Variants in AKAP19 observed in about 807,000 individuals in gnomAD.
The protein encoded by AKAP19 is small A-kinase anchoring protein.
the AKAP19 span, among the ~76,000 whole-genome samples, chr2:190,114,832 T>C: frequency 6.6e-6 from 1 of 152,204 alleles, no homozygotes; most frequent in Admixed American, 6.5e-5. Flanking sequence ...CCAGTGTTGC[T>C]ATTCAAAAGT....
At chr2:189,908,839 G>T in the AKAP19 span, among the ~76,000 whole-genome samples, 6 of 152,148 alleles carry the variant, frequency 3.9e-5, no homozygotes, top group South Asian at 1.2e-3. Context: ...GTTACTATTA[G>T]ATGGAATGTT....
chr2:189,923,709 G>T, the AKAP19 span: 18 of 1,613,820 alleles, frequency 1.1e-5, no homozygotes, highest in Non-Finnish European at 1.5e-5. Context: ...AGGATGTACA[G>T]TTACCCAGCA....
chr2:189,944,047 T>G, the AKAP19 span, among the ~76,000 whole-genome samples: 4 of 152,218 alleles, frequency 2.6e-5, no homozygotes, highest in Non-Finnish European at 4.4e-5. Flanking sequence ...ATTAAGACTT[T>G]AGGGGACTAT....
chr2:189,920,908 A>G, the AKAP19 span, among the ~76,000 whole-genome samples: 1 of 152,162 alleles, frequency 6.6e-6, no homozygotes, highest in Non-Finnish European at 1.5e-5. Context: ...CTTTCTTCTC[A>G]TCAGGATAAC....
chr2:190,180,527 CCTTTGCGGGT>C, the AKAP19 span: 7 of 985,650 alleles, frequency 7.1e-6, no homozygotes, highest in Non-Finnish European at 8.4e-6. This position sits in a 1 kb window ranked among gnomAD's most constrained non-coding sequence, Gnocchi z 6.8. Flanking sequence ...CTTTCATTGA[CCTTTGCGGGT>C]CTGTTCCCGC....
the AKAP19 span, among the ~76,000 whole-genome samples, chr2:190,054,846 G>A: frequency 6.6e-6 from 1 of 152,206 alleles, no homozygotes; most frequent in Non-Finnish European, 1.5e-5. Flanking sequence ...TGGAGAGGAT[G>A]TGGAGAAATA....
At chr2:190,183,705 T>G in the AKAP19 span, among the ~76,000 whole-genome samples, 9 of 152,060 alleles carry the variant, frequency 5.9e-5, no homozygotes, top group African/African-American at 2.2e-4. Flanking sequence ...CTTCTCCATG[T>G]TTTTATAGAG....
At chr2:190,013,441 G>A in the AKAP19 span, among the ~76,000 whole-genome samples, 1 of 151,806 alleles carries the variant, frequency 6.6e-6, no homozygotes, top group African/African-American at 2.4e-5. Flanking sequence ...TGTGATTTTA[G>A]TTATAATTTT....
chr2:190,030,025 T>C, the AKAP19 span, among the ~76,000 whole-genome samples: 3 of 152,188 alleles, frequency 2.0e-5, no homozygotes, highest in Non-Finnish European at 4.4e-5. Flanking sequence ...ACAGAGCCTA[T>C]TTACCCTTCA....
chr2:190,176,100 T>A, the AKAP19 span, among the ~76,000 whole-genome samples: 1 of 152,256 alleles, frequency 6.6e-6, no homozygotes, highest in South Asian at 2.1e-4. The surrounding 1 kb of genome is among the most constrained non-coding windows in gnomAD (Gnocchi z 4.7). Flanking sequence ...TTGTCTTAGG[T>A]ATTCTGTCAC....
the AKAP19 span, among the ~76,000 whole-genome samples, chr2:190,125,588 C>T: frequency 1.8e-4 from 27 of 152,274 alleles, no homozygotes; most frequent in African/African-American, 6.5e-4. Context: ...AGTGAATTGT[C>T]TGAAGTGCTT....
the AKAP19 span, among the ~76,000 whole-genome samples, chr2:190,074,628 G>C: frequency 7.0e-6 from 1 of 143,558 alleles, no homozygotes; most frequent in Non-Finnish European, 1.5e-5. Flanking sequence ...ACTCCAGCCT[G>C]GCAACAGAGA....
the AKAP19 span, among the ~76,000 whole-genome samples, chr2:189,925,671 G>C: frequency 6.6e-6 from 1 of 152,074 alleles, no homozygotes; most frequent in Non-Finnish European, 1.5e-5. Context: ...GTTTTCCGAA[G>C]CCAGGAATGT....
the AKAP19 span, among the ~76,000 whole-genome samples, chr2:190,152,923 T>C: frequency 6.7e-6 from 1 of 149,620 alleles, no homozygotes; most frequent in East Asian, 1.9e-4. Context: ...TGAGACGAAG[T>C]CTCACTCTGT....
chr2:190,124,909 G>A, the AKAP19 span, among the ~76,000 whole-genome samples: 15 of 150,044 alleles, frequency 1.0e-4, 1 homozygote, highest in African/African-American at 2.2e-4. Context: ...TGTTAAAATC[G>A]AAGACAAAAA....
At chr2:189,919,402 A>C in the AKAP19 span, among the ~76,000 whole-genome samples, 31 of 151,978 alleles carry the variant, frequency 2.0e-4, no homozygotes, top group African/African-American at 6.8e-4. Flanking sequence ...ATTTTATGTG[A>C]ATTTTTACAT....
At chr2:190,136,336 A>AG in the AKAP19 span, among the ~76,000 whole-genome samples, 1 of 152,208 alleles carries the variant, frequency 6.6e-6, no homozygotes, top group South Asian at 2.1e-4. Flanking sequence ...AAGAGCAGCT[A>AG]GGTGACTGCC....
chr2:190,110,314 T>C, the AKAP19 span, among the ~76,000 whole-genome samples: 2 of 152,194 alleles, frequency 1.3e-5, no homozygotes, highest in African/African-American at 2.4e-5. Flanking sequence ...AGATGGTGAA[T>C]CATCTCAAAA....
the AKAP19 span, among the ~76,000 whole-genome samples, chr2:190,087,069 AC>A: frequency 6.6e-6 from 1 of 152,224 alleles, no homozygotes; most frequent in East Asian, 1.9e-4. Flanking sequence ...AACCACCAAT[AC>A]TTTTACACTT....
Sources: allele counts gnomAD v4.1 joint callset (sites outside exome capture counted in the v4.1 genomes callset), GRCh38; gene constraint gnomAD v4.1.1; non-coding constraint Gnocchi (gnomAD v3.1); transcripts MANE v1.5; gene names NCBI Gene and HGNC (gene_info 2026-07-23, HGNC 2026-07-21).